The following MCPH1 variants were observed in gnomAD, a reference collection of about 807,000 sequenced individuals.
The protein encoded by MCPH1 is microcephalin.
MCPH1 carries 104 observed loss-of-function variants against 84.5 expected under a neutral mutation model. The ratio of observed to expected loss-of-function variants is 1.23; its 90% CI spans 1.05 to 1.45. The LOEUF (loss-of-function observed/expected upper bound fraction) is 1.45. Among genes scored for constraint, MCPH1 ranks in the 40% most tolerant of loss-of-function variants. MCPH1 has a pLI of 0.00. For missense variants in MCPH1, 1,498 were observed against 1,005.7 expected (o/e 1.49, Z -6.62); for synonymous variants, 514 against 366.8 (o/e 1.40, Z -4.58).
At chr8:6,538,283 C>CAT (rs532008609) in intron 12 of MCPH1, among the ~76,000 whole-genome samples, 1 of 152,190 alleles carries the variant, frequency 6.6e-6, no homozygotes. Context: ...TACACACACA[C>CAT]ATACACGTTT....
At chr8:6,451,063 A>G (rs1294736132) in intron 8 of MCPH1, among the ~76,000 whole-genome samples, 2 of 152,212 alleles carry the variant, frequency 1.3e-5, no homozygotes, top group East Asian at 1.9e-4. Flanking sequence ...GTGAATTACT[A>G]TTGTTGCAAA....
At chr8:6,623,013 C>CTTTTTTTTTTTT (rs1164226735) in intron 13 of MCPH1, among the ~76,000 whole-genome samples, 4 of 109,894 alleles carry the variant, frequency 3.6e-5, no homozygotes, top group Admixed American at 1.1e-4. Flanking sequence ...GCTTTACTTT[C>CTTTTTTTTTTTT]TTTTTTTTTT....
rs61468592 is a variant in MCPH1 at position 6,418,476 on chromosome 8, C to T, written c.233+3593C>T. 1.1e-3 allele frequency among the ~76,000 whole-genome samples: 168 copies of T among 152,252 alleles called. 3 individuals carry two copies. The East Asian group carries it at 0.029, about 27-fold the overall frequency. ...TGTATATTGGTTTGTTAGGCATAAA[C>T]AGAAATGGAACTTAGTATGTTATTT... On this transcript the variant is annotated intron_variant, in intron 3 of 13. Coordinates refer to ENST00000344683, the MANE Select transcript of MCPH1 (RefSeq NM_024596.5).
chr8:6,442,922 C>T (rs565802688), intron 7 of MCPH1, among the ~76,000 whole-genome samples: 1 of 152,344 alleles, frequency 6.6e-6, no homozygotes, highest in Non-Finnish European at 1.5e-5. Flanking sequence ...CTTGTACTCT[C>T]ACCTCTGTGT....
chr8:6,490,425 G>A (rs969487476), intron 11 of MCPH1, among the ~76,000 whole-genome samples: 4 of 151,964 alleles, frequency 2.6e-5, no homozygotes, highest in Admixed American at 2.0e-4. Context: ...TTATTTCAAG[G>A]CTTCTAAACT....
chr8:6,454,170 T>C (rs1805417473), intron 8 of MCPH1, among the ~76,000 whole-genome samples: 1 of 152,218 alleles, frequency 6.6e-6, no homozygotes, highest in African/African-American at 2.4e-5. Context: ...AATTTCACGT[T>C]GCATTATATT....
chr8:6,431,073 A>G (rs1294208465), intron 3 of MCPH1, among the ~76,000 whole-genome samples: 1 of 152,204 alleles, frequency 6.6e-6, no homozygotes, highest in Non-Finnish European at 1.5e-5. Flanking sequence ...AAAAAGGACA[A>G]CCCAATTTTG....
intron 9 of MCPH1, among the ~76,000 whole-genome samples, chr8:6,457,003 C>T (rs1186945880): frequency 6.6e-6 from 1 of 152,058 alleles, no homozygotes; most frequent in Non-Finnish European, 1.5e-5. Flanking sequence ...GTAAGTGCTC[C>T]ATAAATATAA....
intron 13 of MCPH1, among the ~76,000 whole-genome samples, chr8:6,623,680 C>G (rs1314279490): frequency 1.0e-5 from 1 of 99,140 alleles, no homozygotes; most frequent in Non-Finnish European, 1.8e-5. Flanking sequence ...TGCCTGGAAA[C>G]CAACTTCCAA....
At chr8:6,623,457 C>T (rs556276469) in intron 13 of MCPH1, among the ~76,000 whole-genome samples, 2 of 151,962 alleles carry the variant, frequency 1.3e-5, no homozygotes, top group Non-Finnish European at 2.9e-5. Flanking sequence ...TTTTGCATGT[C>T]TCTAAATCCT....
At chr8:6,541,726 G>A (rs577693370) in intron 12 of MCPH1, among the ~76,000 whole-genome samples, 5 of 152,226 alleles carry the variant, frequency 3.3e-5, no homozygotes, top group East Asian at 1.9e-4. Flanking sequence ...ATGTAGGGCC[G>A]GGCATAGTGG....
intron 12 of MCPH1, among the ~76,000 whole-genome samples, chr8:6,617,506 CTGAGG>C (rs1830928355): frequency 6.6e-6 from 1 of 151,988 alleles, no homozygotes; most frequent in Non-Finnish European, 1.5e-5. Context: ...GAGGTTTTCA[CTGAGG>C]TAACAACAAA....
intron 12 of MCPH1, chr8:6,562,555 T>TTTTTTTTTTTTTTTTTTTTTTG: frequency 6.1e-6 from 1 of 162,742 alleles, no homozygotes; most frequent in Non-Finnish European, 1.1e-5. Flanking sequence ...CCTCCTTCTT[T>TTTTTTTTTTTTTTTTTTTTTTG]TTTTTTTTTT....
intron 12 of MCPH1, among the ~76,000 whole-genome samples, chr8:6,611,829 A>G (rs960907405): frequency 6.6e-6 from 1 of 152,012 alleles, no homozygotes; most frequent in Non-Finnish European, 1.5e-5. Flanking sequence ...CGTGTTAGCC[A>G]GGATGGTCTC....
At chr8:6,489,255 G>C (rs1285316789) in intron 11 of MCPH1, among the ~76,000 whole-genome samples, 1 of 151,806 alleles carries the variant, frequency 6.6e-6, no homozygotes, top group African/African-American at 2.4e-5. Context: ...AAGAAATGAA[G>C]AAAACAGTGA....
rs137939903 is a variant in MCPH1 at position 6,528,919 on chromosome 8, C to T, written c.2214+28990C>T. On this transcript the variant is annotated intron_variant, in intron 12 of 13. Transcript: ENST00000344683. ...CTGTGAGAATAAAGTCCTTGGCCAA[C>T]GTAAGGTTTTGTTTGGGTTTTAATA... 7.9e-5 allele frequency among the ~76,000 whole-genome samples: 12 copies of T among 152,278 alleles called. No homozygotes were observed. The East Asian group carries it at 1.9e-3, about 24-fold the overall frequency.
intron 8 of MCPH1, among the ~76,000 whole-genome samples, chr8:6,449,992 A>C (rs534485664): frequency 3.2e-5 from 1 of 31,584 alleles, no homozygotes; most frequent in East Asian, 1.8e-3. Flanking sequence ...TAGCAAAAGC[A>C]GAAAAGTCCT....
At chr8:6,594,463 A>G (rs560960347) in intron 12 of MCPH1, among the ~76,000 whole-genome samples, 1 of 152,316 alleles carries the variant, frequency 6.6e-6, no homozygotes, top group East Asian at 1.9e-4. Context: ...GGGCCCTCAT[A>G]GAAGCTCCTA....
intron 12 of MCPH1, among the ~76,000 whole-genome samples, chr8:6,601,111 G>T (rs1331215126): frequency 6.6e-6 from 1 of 151,950 alleles, no homozygotes; most frequent in African/African-American, 2.4e-5. Context: ...CCTGTCCCTA[G>T]GCCTCCCTGC....
Sources: gnomAD v4.1 joint callset for allele counts (sites outside exome capture counted in the v4.1 genomes callset) on GRCh38, gnomAD v4.1.1 for gene constraint, MANE v1.5 for transcripts, NCBI Gene and HGNC (gene_info 2026-07-23, HGNC 2026-07-21) for gene names.